Variants in DRC4 observed in about 807,000 individuals in gnomAD.
DRC4 encodes dynein regulatory complex subunit 4, also known as GAS-11.
the DRC4 span, chr16:90,035,878 AT>A: frequency 3.4e-6 from 5 of 1,474,184 alleles, no homozygotes; most frequent in South Asian, 6.9e-5. Context: ...ACCTATTTCC[AT>A]GTGAGTTTGG....
At chr16:90,021,432 GAC>G in the DRC4 span, among the ~76,000 whole-genome samples, 2 of 148,154 alleles carry the variant, frequency 1.3e-5, no homozygotes, top group Admixed American at 6.8e-5. Flanking sequence ...TTTTTTTTGA[GAC>G]AGGGTCTCAG....
At chr16:90,037,230 A>G in the DRC4 span, 3 of 1,606,946 alleles carry the variant, frequency 1.9e-6, no homozygotes, top group East Asian at 2.2e-5. Context: ...TTGTGCCTGC[A>G]GGAGCAGATG....
the DRC4 span, among the ~76,000 whole-genome samples, chr16:90,038,256 A>C: frequency 6.6e-6 from 1 of 152,144 alleles, no homozygotes; most frequent in Non-Finnish European, 1.5e-5. Flanking sequence ...GCTGGTCCTC[A>C]CACTGGCGAG....
the DRC4 span, chr16:90,035,654 A>T: frequency 1.2e-6 from 2 of 1,614,186 alleles, no homozygotes; most frequent in South Asian, 1.1e-5. Flanking sequence ...GGAGATCACC[A>T]GGATGCGGAA....
At chr16:90,036,365 T>A in the DRC4 span, 1 of 1,590,234 alleles carries the variant, frequency 6.3e-7, no homozygotes, top group Non-Finnish European at 8.6e-7. Flanking sequence ...AGCTGCTGTT[T>A]GCTGCTGCCT....
chr16:90,031,225 TC>T, the DRC4 span: 1 of 1,597,948 alleles, frequency 6.3e-7, no homozygotes, highest in South Asian at 1.1e-5. Context: ...TCCTTGCCTT[TC>T]GCCGGCCACA....
the DRC4 span, chr16:90,031,197 T>C: frequency 6.4e-7 from 1 of 1,564,170 alleles, no homozygotes; most frequent in Non-Finnish European, 8.6e-7. Context: ...TAGGTGAAGT[T>C]GAGTCCTCCC....
At chr16:90,021,214 T>G in the DRC4 span, among the ~76,000 whole-genome samples, 4 of 152,192 alleles carry the variant, frequency 2.6e-5, no homozygotes, top group Non-Finnish European at 5.9e-5. Context: ...GTTCTCAGAT[T>G]CCCACCACTG....
chr16:90,042,664 C>G, the DRC4 span: 1 of 740,650 alleles, frequency 1.4e-6, no homozygotes, highest in African/African-American at 1.7e-5. Flanking sequence ...CTGTCACTGT[C>G]CCCACGTGAG....
the DRC4 span, chr16:90,043,839 C>T: frequency 4.5e-5 from 21 of 467,054 alleles, no homozygotes; most frequent in East Asian, 7.0e-5. Context: ...GCACAAAGCC[C>T]GCTCTGTTGA....
the DRC4 span, chr16:90,027,682 T>A: frequency 6.2e-7 from 1 of 1,614,176 alleles, no homozygotes; most frequent in Non-Finnish European, 8.5e-7. Flanking sequence ...GGCACCCCGA[T>A]TGTCGATGGG....
At chr16:90,036,502 G>A in the DRC4 span, 1 of 1,613,964 alleles carries the variant, frequency 6.2e-7, no homozygotes, top group Non-Finnish European at 8.5e-7. Flanking sequence ...CGCTGATGCA[G>A]CGCCACGAGG....
the DRC4 span, among the ~76,000 whole-genome samples, chr16:90,041,756 G>A: frequency 1.8e-4 from 27 of 152,116 alleles, no homozygotes; most frequent in African/African-American, 4.6e-4. Flanking sequence ...CCTAGATCGC[G>A]CCACTGCACT....
At chr16:90,027,016 G>A in the DRC4 span, among the ~76,000 whole-genome samples, 44,256 of 151,158 alleles carry the variant, frequency 0.29, 6,618 homozygotes, top group South Asian at 0.43. Flanking sequence ...GGGTTCAAGC[G>A]ATTCTTCTGC....
At chr16:90,027,581 C>A in the DRC4 span, 1 of 1,570,432 alleles carries the variant, frequency 6.4e-7, no homozygotes, top group Non-Finnish European at 8.8e-7. Context: ...AAATCAGAGC[C>A]AGCCAAGAAG....
At chr16:90,033,170 T>C in the DRC4 span, among the ~76,000 whole-genome samples, 1 of 152,110 alleles carries the variant, frequency 6.6e-6, no homozygotes, top group Non-Finnish European at 1.5e-5. Flanking sequence ...AGAGAAAAAA[T>C]CCAGCTTAGG....
At chr16:90,038,148 G>A in the DRC4 span, among the ~76,000 whole-genome samples, 2 of 152,216 alleles carry the variant, frequency 1.3e-5, no homozygotes, top group African/African-American at 4.8e-5. Flanking sequence ...GATGGGGAAC[G>A]GATCACACAT....
the DRC4 span, chr16:90,031,136 CG>C: frequency 6.8e-7 from 1 of 1,472,618 alleles, no homozygotes; most frequent in Non-Finnish European, 9.1e-7. Flanking sequence ...ATTCTGTCTC[CG>C]GAGCTTCCTA....
At chr16:90,043,691 C>T in the DRC4 span, 1 of 510,878 alleles carries the variant, frequency 2.0e-6, no homozygotes, top group Non-Finnish European at 3.9e-6. Context: ...TGTCTTCGCG[C>T]CACTGTTGTC....
Sources: gnomAD v4.1 joint callset for allele counts (sites outside exome capture counted in the v4.1 genomes callset) on GRCh38, gnomAD v4.1.1 for gene constraint, MANE v1.5 for transcripts, NCBI Gene and HGNC (gene_info 2026-07-23, HGNC 2026-07-21) for gene names.